GALNT13: variants seen among roughly 807,000 people sequenced by gnomAD.
GALNT13 encodes UDP-GalNAc:polypeptide N-acetylgalactosaminyltransferase 13.
In GALNT13, 28 loss-of-function variants were observed where a neutral mutation model predicts 64.2. The ratio of observed to expected loss-of-function variants is 0.44; its 90% CI spans 0.32 to 0.60. The LOEUF is 0.60. Ranked by LOEUF, GALNT13 falls within the 20% of genes least tolerant of loss-of-function variation. GALNT13 has a pLI of 0.05. For synonymous variants in GALNT13, 214 were observed against 224.6 expected, an observed-to-expected ratio of 0.95 and a Z score of 0.42; for missense variants, 577 against 669.8, an observed-to-expected ratio of 0.86 and a Z score of 1.53.
At chr2:153,130,011 G>A in the GALNT13 span, among the ~76,000 whole-genome samples, 1 of 152,158 alleles carries the variant, frequency 6.6e-6, no homozygotes, top group African/African-American at 2.4e-5. Flanking sequence ...ATCTGTCTGA[G>A]GAAAGCACGT....
At chr2:153,722,243 T>A in the GALNT13 span, among the ~76,000 whole-genome samples, 1 of 147,600 alleles carries the variant, frequency 6.8e-6, no homozygotes, top group East Asian at 2.0e-4. Flanking sequence ...GAAATAAAGA[T>A]GTACTTTGAA....
At chr2:154,212,725 TCTC>T (rs892941891) in intron 4 of GALNT13, among the ~76,000 whole-genome samples, 64 of 151,948 alleles carry the variant, frequency 4.2e-4, no homozygotes, top group African/African-American at 1.4e-3. Context: ...CCATCCTTCT[TCTC>T]CTTCTAAGGC....
At chr2:153,192,320 T>C in the GALNT13 span, among the ~76,000 whole-genome samples, 3 of 152,132 alleles carry the variant, frequency 2.0e-5, no homozygotes, top group Admixed American at 2.0e-4. Flanking sequence ...GTATGTTGCT[T>C]AATTTTCATG....
chr2:153,991,300 C>T (rs141161055), intron 3 of GALNT13, among the ~76,000 whole-genome samples: 302 of 152,140 alleles, frequency 2.0e-3, no homozygotes, highest in Non-Finnish European at 3.2e-3. Flanking sequence ...CTGGTCAAAT[C>T]GAAGGATTGA....
the GALNT13 span, among the ~76,000 whole-genome samples, chr2:153,742,320 T>G: frequency 6.6e-6 from 1 of 152,188 alleles, no homozygotes; most frequent in Non-Finnish European, 1.5e-5. Context: ...CGTAAATTTT[T>G]TTTTATTTTT....
intron 9 of GALNT13, among the ~76,000 whole-genome samples, chr2:154,393,412 G>A (rs1221005155): frequency 6.6e-6 from 1 of 152,108 alleles, no homozygotes; most frequent in Non-Finnish European, 1.5e-5. Context: ...TTGTTGGCCA[G>A]GACCAGTTAG....
At position 154,450,530 on chromosome 2, in the gene GALNT13, G is replaced by A; in HGVS notation, c.1650G>A (p.Arg550=). Residue 550 remains arginine (R), a synonymous_variant, in exon 13 of 13, where the codon AGG becomes AGA. Transcript: ENST00000392825. ...SGSRSQQWLL[R]NMTLGT ...GCAGATCCCAACAGTGGCTGCTAAG[G>A]AACATGACCTTGGGCACATGAAGAT... 6.2e-7 allele frequency: 1 copy of A among 1,609,616 alleles called. No individual in the cohort carries two copies. The highest frequency in any genetic ancestry group is 1.1e-5 in the South Asian group (1 of 90,424).
the GALNT13 span, among the ~76,000 whole-genome samples, chr2:153,730,749 A>G: frequency 4.6e-5 from 7 of 152,146 alleles, no homozygotes; most frequent in Non-Finnish European, 8.8e-5. Context: ...ATAAACACAC[A>G]TTTCTCAAAA....
At chr2:153,771,449 G>A in the GALNT13 span, among the ~76,000 whole-genome samples, 1 of 151,986 alleles carries the variant, frequency 6.6e-6, no homozygotes, top group African/African-American at 2.4e-5. Context: ...CAGGAAGGTA[G>A]GTACACCAAA....
the GALNT13 span, among the ~76,000 whole-genome samples, chr2:153,481,343 T>G: frequency 6.6e-6 from 1 of 152,208 alleles, no homozygotes; most frequent in Admixed American, 6.5e-5. Context: ...TCCCTTTTAT[T>G]TATCTTTTCC....
chr2:153,666,872 T>C, the GALNT13 span, among the ~76,000 whole-genome samples: 2 of 152,030 alleles, frequency 1.3e-5, no homozygotes, highest in African/African-American at 4.8e-5. Flanking sequence ...ATGAAGATCA[T>C]AAAGATTCAG....
At chr2:154,211,844 A>G (rs953905189) in intron 4 of GALNT13, among the ~76,000 whole-genome samples, 1 of 151,974 alleles carries the variant, frequency 6.6e-6, no homozygotes, top group Non-Finnish European at 1.5e-5. Flanking sequence ...GGAAAACAGA[A>G]ATTCAATATT....
the GALNT13 span, among the ~76,000 whole-genome samples, chr2:153,129,103 A>G: frequency 2.0e-5 from 3 of 152,144 alleles, no homozygotes; most frequent in Non-Finnish European, 2.9e-5. Context: ...ACTGGCTTTG[A>G]TTCCTTCTGG....
At chr2:154,265,932 A>G (rs1263250692) in intron 8 of GALNT13, among the ~76,000 whole-genome samples, 1 of 152,236 alleles carries the variant, frequency 6.6e-6, no homozygotes, top group East Asian at 1.9e-4. Flanking sequence ...AGTAGTGTTC[A>G]TTGCAGAAAT....
chr2:153,765,959 C>T, the GALNT13 span, among the ~76,000 whole-genome samples: 3 of 152,290 alleles, frequency 2.0e-5, no homozygotes, highest in Non-Finnish European at 2.9e-5. Flanking sequence ...ATTGTGAGGC[C>T]TCCCCAAGCA....
At chr2:153,713,681 G>T in the GALNT13 span, among the ~76,000 whole-genome samples, 5 of 152,070 alleles carry the variant, frequency 3.3e-5, no homozygotes, top group Non-Finnish European at 7.4e-5. Context: ...ACGGGGTTTC[G>T]CCATGTTGGC....
chr2:153,787,759 A>T, the GALNT13 span, among the ~76,000 whole-genome samples: 1 of 152,222 alleles, frequency 6.6e-6, no homozygotes, highest in African/African-American at 2.4e-5. Flanking sequence ...AAATTATCTG[A>T]TAGAACCAAA....
intron 10 of GALNT13, among the ~76,000 whole-genome samples, chr2:154,400,227 CT>C (rs1308904446): frequency 6.6e-6 from 1 of 152,096 alleles, no homozygotes; most frequent in African/African-American, 2.4e-5. Flanking sequence ...GTAATCTTTC[CT>C]TATGTATAAG....
intron 8 of GALNT13, among the ~76,000 whole-genome samples, chr2:154,288,126 A>G (rs1446434979): frequency 6.6e-6 from 1 of 152,150 alleles, no homozygotes; most frequent in Admixed American, 6.5e-5. Context: ...TGGAAGGCAA[A>G]GGAGGAGGAA....
Sources: gnomAD v4.1 joint callset for allele counts (sites outside exome capture counted in the v4.1 genomes callset) on GRCh38, gnomAD v4.1.1 for gene constraint, MANE v1.5 for transcripts, NCBI Gene and HGNC (gene_info 2026-07-23, HGNC 2026-07-21) for gene names.